KYNU: variants seen among roughly 807,000 people sequenced by gnomAD.
The protein encoded by KYNU is L-kynurenine hydrolase.
Under a neutral mutation model 59.2 loss-of-function variants are expected in KYNU, and 54 were observed. The ratio of observed to expected loss-of-function variants is 0.91; its 90% CI spans 0.73 to 1.14. The LOEUF (loss-of-function observed/expected upper bound fraction) is 1.14, where lower values mean the gene tolerates loss of function less well. Among genes scored for constraint, KYNU ranks in the 50% most tolerant of loss-of-function variants. The pLI is 0.00. For synonymous variants in KYNU, 177 were observed against 192.0 expected, an observed-to-expected ratio of 0.92 and a Z score of 0.65; for missense variants, 567 against 554.4, an observed-to-expected ratio of 1.02 and a Z score of -0.23.
chr2:142,926,477 A>C (rs1328643461), intron 3 of KYNU, among the ~76,000 whole-genome samples: 1 of 152,244 alleles, frequency 6.6e-6, no homozygotes, highest in Admixed American at 6.5e-5. Flanking sequence ...ACTTGGCATA[A>C]GTAAGGAGGA....
intron 2 of KYNU, among the ~76,000 whole-genome samples, chr2:142,907,827 G>A (rs1253772352): frequency 6.6e-6 from 1 of 152,160 alleles, no homozygotes; most frequent in Non-Finnish European, 1.5e-5. Flanking sequence ...TTAAAGGTGG[G>A]TGTGGTCACC....
intron 8 of KYNU, among the ~76,000 whole-genome samples, chr2:142,969,102 G>A (rs1206134793): frequency 1.3e-5 from 2 of 152,010 alleles, no homozygotes; most frequent in African/African-American, 4.8e-5. Flanking sequence ...TAAAGTATCT[G>A]TACTGAACTC....
At chr2:143,013,439 A>G (rs1022045566) in intron 10 of KYNU, among the ~76,000 whole-genome samples, 1 of 152,012 alleles carries the variant, frequency 6.6e-6, no homozygotes, top group South Asian at 2.1e-4. Context: ...CAAGGTGCTG[A>G]TTTCATTTCC....
At chr2:142,954,658 T>A in intron 4 of KYNU, 152 bp from the exon 5 acceptor site, 1 of 590,084 alleles carries the variant, frequency 1.7e-6, no homozygotes, top group East Asian at 2.8e-5. Flanking sequence ...ATGAGTCAAG[T>A]GGGAAAACTT....
intron 2 of KYNU, among the ~76,000 whole-genome samples, chr2:142,909,049 G>A (rs1682393276): frequency 6.6e-6 from 1 of 152,152 alleles, no homozygotes; most frequent in Admixed American, 6.5e-5. Context: ...ATGGCAGTTT[G>A]TCTCTTTCAA....
At chr2:142,884,464 G>C (rs368404507) in intron 1 of KYNU, among the ~76,000 whole-genome samples, 2 of 152,150 alleles carry the variant, frequency 1.3e-5, no homozygotes, top group East Asian at 3.9e-4. Flanking sequence ...GCTGCTTTTC[G>C]ACACTTTGAC....
chr2:143,004,661 A>C (rs1685814790), intron 10 of KYNU, among the ~76,000 whole-genome samples: 1 of 152,192 alleles, frequency 6.6e-6, no homozygotes, highest in South Asian at 2.1e-4. Flanking sequence ...AGATGGCACC[A>C]CTGCACTCCA....
Position 143,040,586 on chromosome 2 carries a change from G to T in KYNU, c.1200G>T (p.Gly400=), listed in dbSNP as rs370304891. Residue 400 remains glycine, a synonymous_variant, in exon 13 of 14, where the codon GGG becomes GGT. Coordinates refer to ENST00000264170, the MANE Select transcript of KYNU (RefSeq NM_003937.3). Reference sequence around the variant, plus strand: ...CTCCGTCTCATGTAGAGGAGCGGGGGTGCCAGCTAACAATAACATTTTCTG... The same window carrying T: ...CTCCGTCTCATGTAGAGGAGCGGGGTTGCCAGCTAACAATAACATTTTCTG... ...IITPSHVEER[G]CQLTITFSVP... The T allele has an allele frequency of 1.2e-6, 2 of 1,612,350 alleles. No individual in the cohort carries two copies. The highest frequency in any genetic ancestry group is 2.2e-5 in the South Asian group (2 of 90,870).
intron 4 of KYNU, among the ~76,000 whole-genome samples, chr2:142,936,395 C>T (rs1683391585): frequency 6.6e-6 from 1 of 151,994 alleles, no homozygotes; most frequent in Admixed American, 6.6e-5. Flanking sequence ...TGTCTGAGGC[C>T]TAAGGTTTGC....
At chr2:142,905,111 G>A (rs546362709) in intron 2 of KYNU, among the ~76,000 whole-genome samples, 3 of 152,154 alleles carry the variant, frequency 2.0e-5, no homozygotes, top group Non-Finnish European at 2.9e-5. Flanking sequence ...TTGCCCACTA[G>A]GGTCTTTGTC....
chr2:142,979,366 T>C (rs1684984712), intron 8 of KYNU, among the ~76,000 whole-genome samples: 1 of 152,176 alleles, frequency 6.6e-6, no homozygotes, highest in African/African-American at 2.4e-5. Context: ...TTCATTCATT[T>C]ATTTTTTTAT....
intron 10 of KYNU, among the ~76,000 whole-genome samples, chr2:143,003,957 T>G (rs931792096): frequency 3.3e-5 from 5 of 152,238 alleles, no homozygotes; most frequent in Non-Finnish European, 5.9e-5. Context: ...GGCTTCTGAC[T>G]TCTAATCGAA....
intron 10 of KYNU, among the ~76,000 whole-genome samples, chr2:143,001,877 G>C (rs1164535416): frequency 3.3e-5 from 5 of 152,196 alleles, no homozygotes; most frequent in Non-Finnish European, 5.9e-5. Flanking sequence ...CAGCAAACAT[G>C]TCTTAGTTTC....
intron 10 of KYNU, among the ~76,000 whole-genome samples, chr2:143,022,991 A>C (rs970057848): frequency 4.6e-5 from 7 of 151,766 alleles, no homozygotes; most frequent in Non-Finnish European, 8.9e-5. Context: ...TTCTTTGTTA[A>C]TTGCATACCG....
At chr2:142,936,947 T>C (rs1192211680) in intron 4 of KYNU, among the ~76,000 whole-genome samples, 1 of 152,108 alleles carries the variant, frequency 6.6e-6, no homozygotes, top group African/African-American at 2.4e-5. Flanking sequence ...GATGAGGTGG[T>C]GTGGAGCAAC....
intron 12 of KYNU, among the ~76,000 whole-genome samples, chr2:143,034,879 C>G (rs1686850394): frequency 6.6e-6 from 1 of 152,256 alleles, no homozygotes; most frequent in Non-Finnish European, 1.5e-5. Flanking sequence ...AAGTAATTTC[C>G]TCTGGTGCCC....
chr2:142,947,790 C>T (rs765993765), intron 4 of KYNU: 2 of 152,406 alleles, frequency 1.3e-5, no homozygotes, highest in South Asian at 2.1e-4. Context: ...GGGGTAAAAC[C>T]GTGGACTTTC....
chr2:143,030,103 C>A (rs1686698423), intron 11 of KYNU, among the ~76,000 whole-genome samples: 1 of 152,098 alleles, frequency 6.6e-6, no homozygotes, highest in South Asian at 2.1e-4. Context: ...TTTTTCTTTC[C>A]CACTTATCTA....
intron 3 of KYNU, among the ~76,000 whole-genome samples, chr2:142,919,430 A>G (rs1682791712): frequency 6.6e-6 from 1 of 152,244 alleles, no homozygotes; most frequent in Non-Finnish European, 1.5e-5. Context: ...TATGATAACC[A>G]GAAATATTTT....
Sources: gnomAD v4.1 joint callset for allele counts (sites outside exome capture counted in the v4.1 genomes callset) on GRCh38, gnomAD v4.1.1 for gene constraint, MANE v1.5 for transcripts, NCBI Gene and HGNC (gene_info 2026-07-23, HGNC 2026-07-21) for gene names.